Variants in ADAM28 observed in about 807,000 individuals in gnomAD.
ADAM28 encodes ADAM metallopeptidase domain 28.
ADAM28 carries 105 observed loss-of-function variants against 101.2 expected under a neutral mutation model. The ratio of observed to expected loss-of-function variants is 1.04; its 90% CI spans 0.89 to 1.22. The LOEUF is 1.22. Among genes scored for constraint, ADAM28 ranks in the 50% most tolerant of loss-of-function variants. The pLI, the probability that ADAM28 is intolerant of heterozygous loss-of-function variation, is 0.00. For missense variants in ADAM28, 1,028 were observed against 945.4 expected, an observed-to-expected ratio of 1.09 and a Z score of -1.15; for synonymous variants, 322 against 310.6, an observed-to-expected ratio of 1.04 and a Z score of -0.39.
chr8:24,326,890 A>G (rs1467547787), intron 10 of ADAM28, among the ~76,000 whole-genome samples: 1 of 152,036 alleles, frequency 6.6e-6, no homozygotes, highest in Non-Finnish European at 1.5e-5. Flanking sequence ...GTATTGAAGG[A>G]ACATATCTCA....
intron 22 of ADAM28, among the ~76,000 whole-genome samples, chr8:24,354,036 T>C (rs1485762568): frequency 6.6e-6 from 1 of 152,078 alleles, no homozygotes; most frequent in Non-Finnish European, 1.5e-5. Context: ...TAGAAAGCTA[T>C]GTAGACACCA....
At chr8:24,340,621 A>G (rs1224380870) in intron 15 of ADAM28, among the ~76,000 whole-genome samples, 1 of 152,046 alleles carries the variant, frequency 6.6e-6, no homozygotes, top group African/African-American at 2.4e-5. Flanking sequence ...CCCACAAACT[A>G]CCCTCCTAGT....
intron 14 of ADAM28, 157 bp downstream of exon 14, chr8:24,335,798 G>T: frequency 7.7e-7 from 1 of 1,293,496 alleles, no homozygotes; most frequent in South Asian, 3.2e-5. Flanking sequence ...TTGGTTTTAG[G>T]GTTGCTAGAT....
At chr8:24,328,615 C>T (rs1184376168) in intron 10 of ADAM28, among the ~76,000 whole-genome samples, 4 of 151,976 alleles carry the variant, frequency 2.6e-5, no homozygotes, top group South Asian at 4.2e-4. Flanking sequence ...AACAGATGAT[C>T]GTTGATGAAT....
chr8:24,316,425 ATGT>A (rs1336975854), intron 6 of ADAM28, among the ~76,000 whole-genome samples: 1 of 152,040 alleles, frequency 6.6e-6, no homozygotes, highest in East Asian at 1.9e-4. Context: ...AACCACACAA[ATGT>A]TGATAGTGTG....
intron 1 of ADAM28, chr8:24,296,216 C>G (rs544981590): frequency 6.6e-6 from 1 of 152,156 alleles, no homozygotes; most frequent in Non-Finnish European, 1.5e-5. Flanking sequence ...TTCAAACTAC[C>G]AGTTCTTCCT....
intron 15 of ADAM28, among the ~76,000 whole-genome samples, chr8:24,339,811 A>C (rs1346441734): frequency 6.6e-6 from 1 of 152,220 alleles, no homozygotes. Context: ...GACACAAAGC[A>C]CAGTCATTGT....
At chr8:24,335,961 A>C (rs751699244) in intron 14 of ADAM28, 6 of 1,078,838 alleles carry the variant, frequency 5.6e-6, no homozygotes, top group South Asian at 8.6e-5. Context: ...CTGAAATTCA[A>C]ATTAAACTGG....
At chr8:24,344,386 T>G (rs1315138011) in intron 18 of ADAM28, among the ~76,000 whole-genome samples, 1 of 152,184 alleles carries the variant, frequency 6.6e-6, no homozygotes, top group Non-Finnish European at 1.5e-5. Context: ...CTCCTGTTCA[T>G]GTTCCTGCAT....
At chr8:24,324,421 G>T (rs982722908) in intron 9 of ADAM28, among the ~76,000 whole-genome samples, 1 of 151,930 alleles carries the variant, frequency 6.6e-6, no homozygotes, top group Admixed American at 6.6e-5. Context: ...AACAACAGGG[G>T]AAATAAATCT....
intron 13 of ADAM28, among the ~76,000 whole-genome samples, 175 bp from the exon 14 acceptor site, chr8:24,335,271 T>G (rs1256260974): frequency 6.6e-6 from 1 of 152,078 alleles, no homozygotes; most frequent in East Asian, 1.9e-4. Context: ...CCAATATTAA[T>G]AGAAGTGATA....
chr8:24,344,670 G>A (rs966279474), intron 18 of ADAM28, among the ~76,000 whole-genome samples: 4 of 151,758 alleles, frequency 2.6e-5, no homozygotes, highest in East Asian at 1.9e-4. Context: ...ACATGTATTT[G>A]TCATGTATTT....
chr8:24,348,150 C>T (rs1171879497), intron 18 of ADAM28, among the ~76,000 whole-genome samples: 2 of 151,966 alleles, frequency 1.3e-5, no homozygotes, highest in Non-Finnish European at 2.9e-5. Flanking sequence ...ATTTTATTAA[C>T]TTGGATGTTA....
At chr8:24,338,595 T>C (rs1814383915) in intron 14 of ADAM28, among the ~76,000 whole-genome samples, 1 of 152,174 alleles carries the variant, frequency 6.6e-6, no homozygotes, top group African/African-American at 2.4e-5. Context: ...GTAACAAAAC[T>C]CATTTTATCT....
chr8:24,351,220 T>C lies in ADAM28; in HGVS notation c.2100-12T>C. On this transcript the variant is annotated splice_polypyrimidine_tract_variant and intron_variant, in intron 19 of 22. Transcript: ENST00000265769. ...GCTAAGTCAATTGATATCATGTGTT[T>C]CTCTCTTACAGGCCACTATCTACCA... The C allele has an allele frequency of 1.3e-6, 2 of 1,552,030 alleles. No individual in the cohort carries two copies. The highest frequency in any genetic ancestry group is 1.7e-6 in the Non-Finnish European group (2 of 1,152,282).
At chr8:24,296,401 A>G (rs959163269) in intron 1 of ADAM28, among the ~76,000 whole-genome samples, 1 of 152,204 alleles carries the variant, frequency 6.6e-6, no homozygotes, top group Non-Finnish European at 1.5e-5. Flanking sequence ...CCCAGGACAT[A>G]AGTCAATATC....
intron 9 of ADAM28, among the ~76,000 whole-genome samples, chr8:24,324,394 T>C (rs1812276152): frequency 1.3e-5 from 2 of 151,968 alleles, no homozygotes; most frequent in South Asian, 4.1e-4. Flanking sequence ...TATTTCCCAC[T>C]GAAATGACCT....
In ADAM28 at chr8:24,311,437, G is replaced by A. The variant is rs1187467229; in HGVS notation, c.383G>A (p.Arg128Lys). The A allele has an allele frequency of 3.1e-6, 5 of 1,611,454 alleles. No individual in the cohort carries two copies. In the African/African-American group the frequency reaches 5.4e-5, roughly 17 times the overall value. The change falls in exon 5 of 23, where the codon AGG becomes AAG. Residue 128 changes from arginine (R) to lysine (K), a missense_variant and splice_region_variant. Physicochemically the swap from Arg to Lys is conservative, Grantham distance 26. Coordinates refer to ENST00000265769, the MANE Select transcript of ADAM28 (RefSeq NM_014265.6). ...DASISTCRGL[R>K]GYFSQGDQRY... ...AGCATCAGCACATGTAGGGGTCTAA[G>A]GTAAGACTTCAGGAATGTTTTGCAT...
chr8:24,331,465 C>A, intron 12 of ADAM28, 138 bp downstream of exon 12: 4 of 840,778 alleles, frequency 4.8e-6, no homozygotes, highest in Non-Finnish European at 6.9e-6. Context: ...TAGGTATTTT[C>A]CAGGAAAATC....
Sources: gnomAD v4.1 joint callset for allele counts (sites outside exome capture counted in the v4.1 genomes callset) on GRCh38, gnomAD v4.1.1 for gene constraint, MANE v1.5 for transcripts, NCBI Gene and HGNC (gene_info 2026-07-23, HGNC 2026-07-21) for gene names.